The following ARMH3 variants were observed in gnomAD, a reference collection of about 807,000 sequenced individuals.
ARMH3 encodes the protein armadillo-like helical domain-containing protein 3.
ARMH3 carries 60 observed loss-of-function variants against 99.1 expected under a neutral mutation model. The observed-to-expected ratio is 0.61, with a 90% CI of 0.49 to 0.75. The LOEUF is 0.75. Ranked by LOEUF, ARMH3 falls within the 30% of genes least tolerant of loss-of-function variation. The probability of loss-of-function intolerance (pLI) is 0.00; values close to 1 mark genes in which losing one functional copy is unlikely to be tolerated. For missense variants in ARMH3, 679 were observed against 843.1 expected, an observed-to-expected ratio of 0.81 and a Z score of 2.41; for synonymous variants, 285 against 292.8, an observed-to-expected ratio of 0.97 and a Z score of 0.27.
chr10:102,016,007 C>T (rs1025567514), intron 8 of ARMH3, among the ~76,000 whole-genome samples: 7 of 152,088 alleles, frequency 4.6e-5, no homozygotes, highest in African/African-American at 1.2e-4. Context: ...TAGTGGCACA[C>T]GCCTGTAGTC....
intron 10 of ARMH3, 135 bp from the exon 11 acceptor site, chr10:102,011,918 G>T: frequency 1.5e-6 from 1 of 648,988 alleles, no homozygotes; most frequent in Non-Finnish European, 2.6e-6. Context: ...TGACAATCAA[G>T]CATCATGACA....
intron 8 of ARMH3, among the ~76,000 whole-genome samples, chr10:102,021,060 T>C (rs923305713): frequency 6.6e-6 from 1 of 152,078 alleles, no homozygotes; most frequent in Admixed American, 6.6e-5. Context: ...ACCATACCTT[T>C]TCTAGGTTTA....
At chr10:102,026,443 C>G (rs2067003324) in intron 5 of ARMH3, among the ~76,000 whole-genome samples, 1 of 152,140 alleles carries the variant, frequency 6.6e-6, no homozygotes, top group African/African-American at 2.4e-5. Flanking sequence ...TGGAAATATA[C>G]ACAGAGGAAT....
At chr10:101,911,765 A>G (rs866523721) in intron 23 of ARMH3, among the ~76,000 whole-genome samples, 41 of 152,180 alleles carry the variant, frequency 2.7e-4, no homozygotes, top group African/African-American at 9.7e-4. Context: ...GGCCAGGCAC[A>G]GTGGCTCACG....
At chr10:101,976,628 A>T (rs1846025441) in intron 19 of ARMH3, among the ~76,000 whole-genome samples, 1 of 152,096 alleles carries the variant, frequency 6.6e-6, no homozygotes, top group African/African-American at 2.4e-5. Flanking sequence ...AAAAACACAA[A>T]AGTAAAGACC....
intron 15 of ARMH3, among the ~76,000 whole-genome samples, chr10:101,997,907 CATA>C (rs1847135837): frequency 6.6e-6 from 1 of 152,110 alleles, no homozygotes; most frequent in African/African-American, 2.4e-5. Context: ...CTGCTAAAAA[CATA>C]ATGAGATGCT....
intron 25 of ARMH3, 138 bp downstream of exon 25, chr10:101,849,638 G>C (rs1237627116): frequency 5.8e-6 from 4 of 683,986 alleles, no homozygotes; most frequent in East Asian, 2.5e-5. Flanking sequence ...TGGTACAATG[G>C]GGGAGAGAAG....
chr10:101,952,253 G>A (rs1174991864), intron 22 of ARMH3, among the ~76,000 whole-genome samples: 1 of 152,178 alleles, frequency 6.6e-6, no homozygotes, highest in African/African-American at 2.4e-5. Context: ...TCAGTGATAA[G>A]TCAGGGTACT....
chr10:101,976,146 G>A, intron 19 of ARMH3, among the ~76,000 whole-genome samples: 1 of 133,656 alleles, frequency 7.5e-6, no homozygotes, highest in Non-Finnish European at 1.6e-5. Context: ...TCCAGCCTGG[G>A]TGACAGAGTG....
intron 19 of ARMH3, among the ~76,000 whole-genome samples, chr10:101,984,784 C>T (rs1047357674): frequency 2.0e-5 from 3 of 151,844 alleles, no homozygotes; most frequent in African/African-American, 7.3e-5. Flanking sequence ...TATATATATA[C>T]TGGAGGCCAG....
At chr10:101,962,978 T>C (rs1036181128) in intron 20 of ARMH3, among the ~76,000 whole-genome samples, 2 of 150,416 alleles carry the variant, frequency 1.3e-5, no homozygotes, top group African/African-American at 4.9e-5. Context: ...TTCTTTTTTT[T>C]TTTTTTTTTG....
chr10:102,012,922 G>C (rs1480067066), intron 9 of ARMH3, 46 bp from the exon 10 acceptor site: 3 of 1,519,530 alleles, frequency 2.0e-6, no homozygotes, highest in Non-Finnish European at 2.7e-6. Context: ...AGTAGCCTTT[G>C]GGAGTTGGTG....
chr10:101,982,953 C>T (rs1846297940), intron 19 of ARMH3, among the ~76,000 whole-genome samples: 1 of 152,132 alleles, frequency 6.6e-6, no homozygotes, highest in Admixed American at 6.6e-5. Flanking sequence ...ACCATCACTG[C>T]CCCCAGATCT....
At chr10:101,891,338 G>A (rs776181334) in intron 23 of ARMH3, among the ~76,000 whole-genome samples, 1 of 152,094 alleles carries the variant, frequency 6.6e-6, no homozygotes, top group Non-Finnish European at 1.5e-5. Context: ...TGGGATTACA[G>A]GCCCCCGCCA....
chr10:101,887,982 T>C (rs891578512), intron 24 of ARMH3, among the ~76,000 whole-genome samples: 4 of 151,386 alleles, frequency 2.6e-5, no homozygotes, highest in African/African-American at 9.7e-5. Context: ...CAGCTACTGC[T>C]GGAGAAAGAT....
intron 24 of ARMH3, among the ~76,000 whole-genome samples, chr10:101,885,799 A>C (rs1413974763): frequency 1.3e-5 from 2 of 152,234 alleles, no homozygotes; most frequent in African/African-American, 4.8e-5. Context: ...CACGCCTGTA[A>C]TCCCAGCACT....
chr10:101,974,968 T>C (rs1463679073), intron 20 of ARMH3, among the ~76,000 whole-genome samples: 3 of 125,984 alleles, frequency 2.4e-5, no homozygotes, highest in Non-Finnish European at 4.8e-5. Context: ...ACAAAAAATA[T>C]AGGAAGGGGA....
intron 23 of ARMH3, among the ~76,000 whole-genome samples, chr10:101,934,512 G>C (rs1301792217): frequency 2.6e-5 from 4 of 152,164 alleles, no homozygotes; most frequent in Non-Finnish European, 5.9e-5. Flanking sequence ...CTGAATGTCA[G>C]CTTAAGGCAT....
In ARMH3 at chr10:101,960,445, T is replaced by G. The variant is rs114767789; in HGVS notation, c.1496-2713A>C. The stretch of plus-strand genomic sequence containing the variant: ...TTTGACATAGCTGATTATAGATTTT[T>G]AGAGCTAGAAAATGCCTTAGGTCAT... On this transcript the variant is annotated intron_variant, in intron 20 of 25. Coordinates refer to ENST00000370033, the MANE Select transcript of ARMH3 (RefSeq NM_024541.3). 9.4e-3 allele frequency among the ~76,000 whole-genome samples: 1,433 copies of G among 152,324 alleles called. 18 individuals are homozygous for G. Among genetic ancestry groups the G allele is most frequent in the African/African-American group, 0.033 (1,359 of 41,578 alleles).
Sources: allele counts gnomAD v4.1 joint callset (sites outside exome capture counted in the v4.1 genomes callset), GRCh38; gene constraint gnomAD v4.1.1; transcripts MANE v1.5; gene names NCBI Gene and HGNC (gene_info 2026-07-23, HGNC 2026-07-21).